Variants in PIK3CA observed in about 807,000 individuals in gnomAD.
PIK3CA encodes phosphatidylinositol 4,5-bisphosphate 3-kinase catalytic subunit alpha isoform.
In PIK3CA, 27 loss-of-function variants were observed where a neutral mutation model predicts 138.2. The observed-to-expected ratio is 0.20, with a 90% CI of 0.14 to 0.27. The LOEUF is 0.27. PIK3CA is among the 10% of genes least tolerant of loss of function. PIK3CA has a pLI of 1.00. For synonymous variants in PIK3CA, 358 were observed against 413.2 expected (o/e 0.87, Z 1.62); for missense variants, 544 against 1,277.4 (o/e 0.43, Z 8.75).
chr3:179,207,279 G>A (rs1724587719), intron 6 of PIK3CA, among the ~76,000 whole-genome samples: 1 of 152,138 alleles, frequency 6.6e-6, no homozygotes, highest in Non-Finnish European at 1.5e-5. Context: ...AATTTGGACT[G>A]TATACACACA....
chr3:179,170,473 A>C (rs1409817364), intron 1 of PIK3CA, among the ~76,000 whole-genome samples: 1 of 152,210 alleles, frequency 6.6e-6, no homozygotes, highest in African/African-American at 2.4e-5. Flanking sequence ...ATTAGTATAA[A>C]AGTGTGATAA....
At chr3:179,155,275 G>A (rs187490040) in intron 1 of PIK3CA, among the ~76,000 whole-genome samples, 5 of 152,144 alleles carry the variant, frequency 3.3e-5, no homozygotes, top group African/African-American at 9.7e-5. Flanking sequence ...TCCAAATGTA[G>A]GTGATCAGTA....
At chr3:179,148,684 C>G (rs1193062437) in intron 1 of PIK3CA, 81 bp downstream of exon 1, 1 of 152,066 alleles carries the variant, frequency 6.6e-6, no homozygotes, top group African/African-American at 2.4e-5. Context: ...CGGGCGCGCC[C>G]GCCGTGTTGG....
At chr3:179,157,662 C>T (rs574229116) in intron 1 of PIK3CA, among the ~76,000 whole-genome samples, 10 of 151,932 alleles carry the variant, frequency 6.6e-5, no homozygotes, top group East Asian at 1.9e-4. Flanking sequence ...AATTGAGGCA[C>T]GTAATCTGAC....
At position 179,180,897 on chromosome 3, in the gene PIK3CA, G is replaced by A. The variant is rs79377531; in HGVS notation, c.-76-17853G>A. Among the ~76,000 whole-genome samples, 1,220 of 152,206 alleles carry A rather than the reference G, an allele frequency of 8.0e-3. 9 individuals carry two copies. The highest frequency in any genetic ancestry group is 0.013 in the Non-Finnish European group (864 of 67,980). Reference sequence around the variant, plus strand: ...AATATAAAATGTGAACCTGAGAACTGTTTAACATTTAACATTATGGATATA... The same window carrying A: ...AATATAAAATGTGAACCTGAGAACTATTTAACATTTAACATTATGGATATA... On this transcript the variant is annotated intron_variant, in intron 1 of 20. Transcript: ENST00000263967.
rs200765393 is a variant in PIK3CA at position 179,201,533 on chromosome 3, A to G, written c.806A>G (p.Gln269Arg). The change falls in exon 4 of 21, where the codon CAG becomes CGG. Residue 269 changes from glutamine to arginine, a missense_variant. Physicochemically the swap from Gln to Arg is conservative, Grantham distance 43 (BLOSUM62 1). Transcript: ENST00000263967. The part of the protein sequence containing the change: ...EYFLEKYPLS[Q>R]YKYIRSCIML... ...TTCCTAGAAAAATATCCTCTGAGTCAGTATAAGGTGAGTAACAAGTTTCAA... is the reference window on the plus strand; with the variant it reads ...TTCCTAGAAAAATATCCTCTGAGTCGGTATAAGGTGAGTAACAAGTTTCAA... 6.3e-7 allele frequency: 1 copy of G among 1,582,820 alleles called. No individual in the cohort carries two copies. The highest frequency in any genetic ancestry group is 1.4e-5 in the African/African-American group (1 of 73,766).
chr3:179,221,284 A>G, intron 14 of PIK3CA, 127 bp downstream of exon 14: 5 of 641,028 alleles, frequency 7.8e-6, no homozygotes, highest in Non-Finnish European at 1.1e-5. Flanking sequence ...ACCAAGTTCC[A>G]CTGCCTCTCA....
intron 5 of PIK3CA, 86 bp downstream of exon 5, chr3:179,203,875 G>A (rs2108393651): frequency 1.1e-6 from 1 of 947,334 alleles, no homozygotes; most frequent in Non-Finnish European, 1.6e-6. Context: ...CTGTTGACCT[G>A]TAGTATGTTT....
intron 1 of PIK3CA, among the ~76,000 whole-genome samples, chr3:179,157,450 A>G (rs1723166280): frequency 1.3e-5 from 2 of 152,144 alleles, no homozygotes; most frequent in South Asian, 4.1e-4. Flanking sequence ...TTTCTTCACT[A>G]GAAATGACCA....
At chr3:179,197,005 T>C (rs748581437) in intron 1 of PIK3CA, among the ~76,000 whole-genome samples, 9 of 152,152 alleles carry the variant, frequency 5.9e-5, no homozygotes, top group Non-Finnish European at 8.8e-5. Flanking sequence ...TCCTCTCTTC[T>C]TTCTTGTTGT....
At chr3:179,228,557 G>C (rs553935014) in intron 17 of PIK3CA, among the ~76,000 whole-genome samples, 2 of 152,068 alleles carry the variant, frequency 1.3e-5, no homozygotes, top group South Asian at 4.1e-4. Flanking sequence ...ACCTATCTTT[G>C]TGAGGCCAGA....
chr3:179,188,778 T>C (rs1247646898), intron 1 of PIK3CA, among the ~76,000 whole-genome samples: 1 of 152,230 alleles, frequency 6.6e-6, no homozygotes, highest in Non-Finnish European at 1.5e-5. Flanking sequence ...ATGAAATATA[T>C]ATCGTTTTCC....
At chr3:179,199,940 C>A (rs2108388113) in intron 3 of PIK3CA, 41 bp downstream of exon 3, 2 of 1,203,858 alleles carry the variant, frequency 1.7e-6, no homozygotes, top group Non-Finnish European at 2.5e-6. Context: ...TACTATAGTG[C>A]AGTCTTCTAC....
At chr3:179,170,129 T>C (rs1723523407) in intron 1 of PIK3CA, among the ~76,000 whole-genome samples, 2 of 152,100 alleles carry the variant, frequency 1.3e-5, no homozygotes, top group Non-Finnish European at 2.9e-5. Context: ...TAGAAAGCTA[T>C]TCTTTGACGT....
intron 20 of PIK3CA, among the ~76,000 whole-genome samples, chr3:179,233,569 T>C (rs1023904589): frequency 7.2e-4 from 109 of 152,266 alleles, no homozygotes; most frequent in Non-Finnish European, 9.7e-4. Context: ...CTTTAAATAG[T>C]TGGACTCCAC....
intron 1 of PIK3CA, among the ~76,000 whole-genome samples, chr3:179,197,405 C>G (rs931703957): frequency 6.6e-6 from 1 of 152,136 alleles, no homozygotes; most frequent in African/African-American, 2.4e-5. Context: ...ACTTGATGAC[C>G]GCATTATGTG....
intron 1 of PIK3CA, among the ~76,000 whole-genome samples, chr3:179,184,221 A>G (rs951098269): frequency 8.5e-5 from 13 of 152,222 alleles, no homozygotes; most frequent in African/African-American, 2.7e-4. Flanking sequence ...TCCTTAGCCT[A>G]TAAGTATTGG....
intron 1 of PIK3CA, among the ~76,000 whole-genome samples, chr3:179,197,783 T>G (rs1479267640): frequency 6.6e-6 from 1 of 152,206 alleles, no homozygotes; most frequent in Non-Finnish European, 1.5e-5. Context: ...ACAGTTTCGC[T>G]CACTGAGTAA....
Position 179,224,200 on chromosome 3 carries a change from G to T in PIK3CA, c.2294+13G>T, listed in dbSNP as rs1560147154. On this transcript the variant is annotated intron_variant, in intron 15 of 20. Coordinates refer to ENST00000263967, the MANE Select transcript of PIK3CA (RefSeq NM_006218.4). ...TAGGAAACCTCAGGTACTTTCTTGGGGGTTTCATTGATATATTTAAATAAA... is the reference window on the plus strand; with the variant it reads ...TAGGAAACCTCAGGTACTTTCTTGGTGGTTTCATTGATATATTTAAATAAA... 8.0e-7 allele frequency: 1 copy of T among 1,254,444 alleles called. No homozygotes were observed. The highest frequency in any genetic ancestry group is 1.1e-6 in the Non-Finnish European group (1 of 874,988). 77.7% of individuals were successfully genotyped at this position (1,254,444 alleles called of 1,614,324 possible).
Sources: gnomAD v4.1 joint callset for allele counts (sites outside exome capture counted in the v4.1 genomes callset) on GRCh38, gnomAD v4.1.1 for gene constraint, MANE v1.5 for transcripts, NCBI Gene and HGNC (gene_info 2026-07-23, HGNC 2026-07-21) for gene names.